Variants in ARNT2 observed in about 807,000 individuals in gnomAD.
The protein encoded by ARNT2 is aryl hydrocarbon receptor nuclear translocator 2.
A neutral mutation model predicts 91.7 loss-of-function variants in ARNT2; 36 were observed. That is an observed-to-expected ratio of 0.39 (90% confidence interval 0.30 to 0.52). The LOEUF (loss-of-function observed/expected upper bound fraction) is 0.52, where lower values mean the gene tolerates loss of function less well. ARNT2 is among the 20% of genes least tolerant of loss of function. The probability of loss-of-function intolerance (pLI) is 0.72; values close to 1 mark genes in which losing one functional copy is unlikely to be tolerated. For synonymous variants in ARNT2, 365 were observed against 347.1 expected, an observed-to-expected ratio of 1.05 and a Z score of -0.57; for missense variants, 775 against 939.3, an observed-to-expected ratio of 0.83 and a Z score of 2.29.
chr15:80,591,802 C>A lies in ARNT2; in HGVS notation c.2055+98C>A. The A allele has an allele frequency of 6.4e-7, 1 of 1,552,026 alleles. No homozygotes were observed. Among genetic ancestry groups the A allele is most frequent in the South Asian group, 1.2e-5 (1 of 81,902 alleles). ...GCCGCACCACCGCCTGCCCGATAGC[C>A]GTCGTGAGTTCTGGCCCAGCCTGGG... is the stretch of plus-strand genomic sequence containing the variant. On this transcript the variant is annotated intron_variant, in intron 18 of 18. Transcript: ENST00000303329. The surrounding 1 kb of genome is among the most constrained non-coding windows in gnomAD (Gnocchi z 5.1).
chr15:80,418,780 C>G (rs1895821482), intron 1 of ARNT2, among the ~76,000 whole-genome samples: 1 of 152,260 alleles, frequency 6.6e-6, no homozygotes, highest in South Asian at 2.1e-4. Flanking sequence ...GGGCCTCAGG[C>G]TGAGTCCCAA....
At chr15:80,530,274 A>G (rs1417638345) in intron 8 of ARNT2, among the ~76,000 whole-genome samples, 2 of 152,214 alleles carry the variant, frequency 1.3e-5, no homozygotes, top group Non-Finnish European at 2.9e-5. Flanking sequence ...ACTTGTCTGT[A>G]CATGAGGACC....
chr15:80,580,565 AG>A lies in ARNT2; in HGVS notation c.1752+19del, dbSNP rs751909952. 6.2e-7 allele frequency: 1 copy of A among 1,613,476 alleles called. No homozygotes were observed. Among genetic ancestry groups the A allele is most frequent in the South Asian group, 1.1e-5 (1 of 91,044 alleles). On this transcript the variant is annotated intron_variant, in intron 16 of 18. Transcript: ENST00000303329. ...TCCGGGACAGGTATGGGCATCTGTGAGGGCATCTCCCCTGGGTGACCAGAGA... is the reference window on the plus strand; with the variant it reads ...TCCGGGACAGGTATGGGCATCTGTGAGGCATCTCCCCTGGGTGACCAGAGA...
intron 5 of ARNT2, among the ~76,000 whole-genome samples, chr15:80,500,394 T>G (rs192367777): frequency 1.3e-5 from 2 of 152,352 alleles, no homozygotes; most frequent in Admixed American, 1.3e-4. Flanking sequence ...GTTTTCTTCC[T>G]TTGCCATCTC....
intron 5 of ARNT2, among the ~76,000 whole-genome samples, chr15:80,493,943 T>G (rs112342745): frequency 0.01 from 1,584 of 152,218 alleles, 28 homozygotes; most frequent in African/African-American, 0.037. Context: ...CACCCCTCCT[T>G]CTCTCTCTGT....
chr15:80,420,114 G>A (rs1328425432), intron 1 of ARNT2, among the ~76,000 whole-genome samples: 1 of 152,052 alleles, frequency 6.6e-6, no homozygotes, highest in East Asian at 1.9e-4. Context: ...TTCTGGATCT[G>A]TCTTTTAACT....
At chr15:80,505,927 G>GTTGTTTTTT (rs1386691728) in intron 5 of ARNT2, among the ~76,000 whole-genome samples, 1 of 88,930 alleles carries the variant, frequency 1.1e-5, no homozygotes, top group Non-Finnish European at 2.2e-5. Flanking sequence ...AACATTTGTT[G>GTTGTTTTTT]TTTTTTTTTT....
At chr15:80,508,086 C>A in intron 5 of ARNT2, 70 bp from the exon 6 acceptor site, 1 of 1,466,974 alleles carries the variant, frequency 6.8e-7, no homozygotes. Context: ...AGAAAGCACT[C>A]CCCGAACTCC....
chr15:80,566,875 T>A (rs1304704214), intron 12 of ARNT2, among the ~76,000 whole-genome samples: 4 of 152,230 alleles, frequency 2.6e-5, no homozygotes, highest in African/African-American at 9.6e-5. Flanking sequence ...AAGTCATAGT[T>A]CCAGGTGTGC....
chr15:80,415,694 A>G (rs1895770885), intron 1 of ARNT2, among the ~76,000 whole-genome samples: 2 of 152,240 alleles, frequency 1.3e-5, no homozygotes, highest in South Asian at 4.1e-4. Flanking sequence ...TCAGATACTT[A>G]GGAGGAGAAA....
chr15:80,586,602 A>T (rs1056615077), intron 17 of ARNT2, among the ~76,000 whole-genome samples: 3 of 152,190 alleles, frequency 2.0e-5, no homozygotes, highest in African/African-American at 2.4e-5. Flanking sequence ...GTGGTGGCTC[A>T]TACCTGTAAT....
intron 1 of ARNT2, among the ~76,000 whole-genome samples, chr15:80,437,970 T>G (rs1409910699): frequency 1.8e-5 from 2 of 109,990 alleles, no homozygotes; most frequent in Non-Finnish European, 2.1e-5. Flanking sequence ...CAGAGTCTCT[T>G]TCTCTGTCTG....
At chr15:80,570,226 T>C (rs910630131) in intron 12 of ARNT2, among the ~76,000 whole-genome samples, 1 of 152,202 alleles carries the variant, frequency 6.6e-6, no homozygotes, top group Admixed American at 6.5e-5. Flanking sequence ...AATTACATTC[T>C]AGCCATGTCG....
chr15:80,514,323 T>C lies in ARNT2; in HGVS notation c.795T>C (p.Asn265=), dbSNP rs1387338308. ...TTTCACAAATGTTCTTTTTTAGGAA[T>C]GGCCTTGGCCCTGTGAAAGAAGGAG... ...RITTMRKRFR[N]GLGPVKEGEA... is the part of the protein sequence containing the mutation. Residue 265 remains asparagine, a synonymous_variant, in exon 8 of 19, where the codon AAT becomes AAC. Transcript: ENST00000303329. 5.0e-6 allele frequency: 8 copies of C among 1,614,034 alleles called. No homozygotes were observed. Among genetic ancestry groups the C allele is most frequent in the Non-Finnish European group, 5.9e-6 (7 of 1,180,014 alleles).
Position 80,529,655 on chromosome 15 carries a change from G to T in ARNT2, c.877+15250G>T, listed in dbSNP as rs147807224. On this transcript the variant is annotated intron_variant, in intron 8 of 18. Coordinates refer to ENST00000303329, the MANE Select transcript of ARNT2 (RefSeq NM_014862.4). ...GGGCTGTTTTGGTTTGCAGACTCAA[G>T]TCTTTCTTCACGATAGGAGAATTTA... Among the ~76,000 whole-genome samples, 852 of 152,166 alleles carry T rather than the reference G, an allele frequency of 5.6e-3. 12 individuals carry two copies. The highest frequency in any genetic ancestry group is 0.019 in the African/African-American group (786 of 41,540).
intron 11 of ARNT2, chr15:80,562,749 A>G: frequency 3.3e-6 from 1 of 305,812 alleles, no homozygotes; most frequent in Non-Finnish European, 6.2e-6. Context: ...TACCCTAGCA[A>G]CCGAGGCAAA....
At chr15:80,461,721 C>T (rs1275011713) in intron 3 of ARNT2, among the ~76,000 whole-genome samples, 1 of 151,938 alleles carries the variant, frequency 6.6e-6, no homozygotes, top group East Asian at 1.9e-4. Flanking sequence ...TGATGCAGAG[C>T]CTAGAAGGTG....
chr15:80,410,026 G>A (rs1895658541), intron 1 of ARNT2, among the ~76,000 whole-genome samples: 1 of 152,208 alleles, frequency 6.6e-6, no homozygotes, highest in Admixed American at 6.5e-5. Context: ...GAAATCTACT[G>A]AAGGGGGTTT....
At chr15:80,472,103 C>T (rs193265989) in intron 4 of ARNT2, among the ~76,000 whole-genome samples, 3 of 29,926 alleles carry the variant, frequency 1.0e-4, no homozygotes, top group East Asian at 8.8e-4. Context: ...TGTGTATAGC[C>T]GGTGGGGGGG....
Sources: allele counts gnomAD v4.1 joint callset (sites outside exome capture counted in the v4.1 genomes callset), GRCh38; gene constraint gnomAD v4.1.1; non-coding constraint Gnocchi (gnomAD v3.1); transcripts MANE v1.5; gene names NCBI Gene and HGNC (gene_info 2026-07-23, HGNC 2026-07-21).